The following CWC27 variants were observed in gnomAD, a reference collection of about 807,000 sequenced individuals.
CWC27 encodes spliceosome-associated protein CWC27 homolog.
CWC27 carries 47 observed loss-of-function variants against 63.6 expected under a neutral mutation model. The observed-to-expected ratio is 0.74, with a 90% CI of 0.58 to 0.94. The LOEUF (loss-of-function observed/expected upper bound fraction) is 0.94, where lower values mean the gene tolerates loss of function less well. Among genes scored for constraint, CWC27 ranks in the 40% least tolerant of loss-of-function variants. The probability of loss-of-function intolerance (pLI) is 0.00; values close to 1 mark genes in which losing one functional copy is unlikely to be tolerated. For synonymous variants in CWC27, 175 were observed against 179.8 expected, an observed-to-expected ratio of 0.97 and a Z score of 0.22; for missense variants, 495 against 554.3, an observed-to-expected ratio of 0.89 and a Z score of 1.07.
At chr5:64,978,140 A>G (rs1749264281) in intron 13 of CWC27, among the ~76,000 whole-genome samples, 1 of 152,226 alleles carries the variant, frequency 6.6e-6, no homozygotes, top group South Asian at 2.1e-4. Context: ...TTTGTTGAGC[A>G]CTCACAAATC....
intron 10 of CWC27, among the ~76,000 whole-genome samples, chr5:64,854,832 T>G (rs150110702): frequency 2.0e-5 from 3 of 152,194 alleles, no homozygotes; most frequent in African/African-American, 7.2e-5. Flanking sequence ...GCTTCTCTCC[T>G]TGATTCTAGG....
intron 1 of CWC27, among the ~76,000 whole-genome samples, chr5:64,772,330 T>C (rs1335155074): frequency 6.6e-6 from 1 of 151,986 alleles, no homozygotes; most frequent in Non-Finnish European, 1.5e-5. Context: ...ATTTAATATA[T>C]ATAAAAAGAT....
chr5:64,938,472 C>T (rs960043583), intron 11 of CWC27, among the ~76,000 whole-genome samples: 3 of 152,196 alleles, frequency 2.0e-5, no homozygotes, highest in Non-Finnish European at 4.4e-5. Flanking sequence ...GCAGAGAAAT[C>T]CACTGTTAGT....
Position 64,786,478 on chromosome 5 carries a change from A to G in CWC27, c.496-46A>G, listed in dbSNP as rs1483517181. 3.3e-6 allele frequency: 4 copies of G among 1,219,598 alleles called. No homozygotes were observed. In the South Asian group the frequency reaches 6.4e-5, roughly 20 times the overall value. The allele number at this position is 1,219,598 out of a possible 1,614,324, so 75.5% of individuals were successfully genotyped here. ...TACATACGGGGTTTGATTTTTTGTGAAATGTTAAAAATGGAATAATGTTTT... is the reference window on the plus strand; with the variant it reads ...TACATACGGGGTTTGATTTTTTGTGGAATGTTAAAAATGGAATAATGTTTT... On this transcript the variant is annotated intron_variant, in intron 5 of 13. Transcript: ENST00000381070.
intron 11 of CWC27, among the ~76,000 whole-genome samples, chr5:64,904,488 A>G (rs888994989): frequency 1.3e-5 from 2 of 152,244 alleles, no homozygotes; most frequent in African/African-American, 2.4e-5. Context: ...GTTCCTTACC[A>G]TATGCACCTC....
intron 7 of CWC27, among the ~76,000 whole-genome samples, chr5:64,796,761 C>G (rs1417344839): frequency 2.3e-5 from 2 of 87,698 alleles, no homozygotes; most frequent in African/African-American, 1.1e-4. Context: ...CCCTCCCTCC[C>G]TCCCTCCCTC....
chr5:64,781,781 G>T, intron 2 of CWC27, 140 bp from the exon 3 acceptor site: 1 of 461,622 alleles, frequency 2.2e-6, no homozygotes. Flanking sequence ...TTTATAAGAA[G>T]GAGGATACAA....
intron 10 of CWC27, chr5:64,807,492 T>G: frequency 7.3e-7 from 1 of 1,366,556 alleles, no homozygotes; most frequent in Non-Finnish European, 9.5e-7. Flanking sequence ...GCTTCCTAGT[T>G]TCTCTCCTTA....
chr5:64,897,951 T>TAA (rs1352686306), intron 11 of CWC27, among the ~76,000 whole-genome samples: 4 of 122,108 alleles, frequency 3.3e-5, no homozygotes, highest in Non-Finnish European at 5.0e-5. Flanking sequence ...GTGAGAGATT[T>TAA]TAATACATTC....
intron 13 of CWC27, among the ~76,000 whole-genome samples, chr5:64,984,701 CT>C (rs1436989895): frequency 6.6e-6 from 1 of 152,036 alleles, no homozygotes; most frequent in African/African-American, 2.4e-5. Flanking sequence ...ACATCCAAGT[CT>C]TTTTTGGGAT....
intron 11 of CWC27, among the ~76,000 whole-genome samples, chr5:64,892,777 G>T (rs999197940): frequency 1.3e-5 from 2 of 152,030 alleles, no homozygotes; most frequent in Admixed American, 1.3e-4. Context: ...TTTCAGCTCT[G>T]GGGTTTAGAC....
At chr5:64,919,683 G>A (rs1376659133) in intron 11 of CWC27, among the ~76,000 whole-genome samples, 1 of 152,184 alleles carries the variant, frequency 6.6e-6, no homozygotes, top group East Asian at 1.9e-4. Flanking sequence ...CAAAGGACAT[G>A]ATCTCATTCT....
intron 10 of CWC27, among the ~76,000 whole-genome samples, chr5:64,880,152 T>A (rs775038565): frequency 3.3e-5 from 5 of 152,000 alleles, no homozygotes; most frequent in Non-Finnish European, 7.4e-5. Context: ...CTTCACTGAA[T>A]TTCAAAATGC....
At chr5:64,879,340 A>T (rs1196987242) in intron 10 of CWC27, among the ~76,000 whole-genome samples, 2 of 152,010 alleles carry the variant, frequency 1.3e-5, no homozygotes, top group South Asian at 2.1e-4. Flanking sequence ...AAGTGGAAAT[A>T]GGTAAAAGAT....
chr5:64,779,361 C>T (rs1277797642), intron 2 of CWC27, among the ~76,000 whole-genome samples: 2 of 152,168 alleles, frequency 1.3e-5, no homozygotes, highest in Non-Finnish European at 2.9e-5. Flanking sequence ...TTGCTATTTG[C>T]TTTTTGTTTG....
intron 12 of CWC27, chr5:64,972,800 C>T (rs1014462282): frequency 3.9e-5 from 16 of 412,264 alleles, no homozygotes; most frequent in Non-Finnish European, 7.2e-5. Flanking sequence ...TTATTAAGAA[C>T]CTGCCATGTA....
At chr5:64,975,256 C>T (rs1239424116) in intron 12 of CWC27, among the ~76,000 whole-genome samples, 2 of 152,118 alleles carry the variant, frequency 1.3e-5, no homozygotes, top group Non-Finnish European at 2.9e-5. Flanking sequence ...CTAGATTGCC[C>T]AGACCTACTT....
intron 11 of CWC27, among the ~76,000 whole-genome samples, chr5:64,955,180 G>T (rs1355057147): frequency 1.3e-5 from 2 of 152,076 alleles, no homozygotes; most frequent in African/African-American, 4.8e-5. Context: ...ATAGTGCCTT[G>T]TATTCACTGC....
At chr5:64,940,773 A>G (rs1748458081) in intron 11 of CWC27, among the ~76,000 whole-genome samples, 1 of 151,624 alleles carries the variant, frequency 6.6e-6, no homozygotes, top group South Asian at 2.1e-4. Flanking sequence ...TGCTCAAAAT[A>G]AATTATTTTA....
Sources: allele counts gnomAD v4.1 joint callset (sites outside exome capture counted in the v4.1 genomes callset), GRCh38; gene constraint gnomAD v4.1.1; transcripts MANE v1.5; gene names NCBI Gene and HGNC (gene_info 2026-07-23, HGNC 2026-07-21).